Variants in GNG2 observed in about 807,000 individuals in gnomAD.
GNG2 encodes the protein G protein subunit gamma 2.
GNG2 carries 5 observed loss-of-function variants against 5.5 expected under a neutral mutation model. That is an observed-to-expected ratio of 0.91 (90% CI 0.48 to 1.92). GNG2 has a LOEUF of 1.92. GNG2 is among the 30% of genes most tolerant of loss of function. GNG2 has a pLI of 0.01. For missense variants in GNG2, 55 were observed against 88.4 expected, an observed-to-expected ratio of 0.62 and a Z score of 1.52; for synonymous variants, 28 against 32.0, an observed-to-expected ratio of 0.88 and a Z score of 0.42.
chr14:51,845,886 G>C (rs1881610855), intron 2 of GNG2, among the ~76,000 whole-genome samples: 1 of 152,182 alleles, frequency 6.6e-6, no homozygotes, highest in Non-Finnish European at 1.5e-5. Flanking sequence ...AGAAATGGTA[G>C]TTACAGGGCT....
intron 1 of GNG2, among the ~76,000 whole-genome samples, chr14:51,875,291 G>A (rs192759068): frequency 1.4e-3 from 216 of 152,258 alleles, no homozygotes; most frequent in Non-Finnish European, 2.7e-3. Context: ...TGCTATAACC[G>A]GCAGGATGGA....
At chr14:51,928,067 G>A (rs8004034) in intron 2 of GNG2, among the ~76,000 whole-genome samples, 93 of 125,472 alleles carry the variant, frequency 7.4e-4, no homozygotes, top group Admixed American at 4.9e-3. Context: ...GTCTCGCTCC[G>A]TCATCCAGGC....
chr14:51,901,700 G>A (rs1219427439), intron 2 of GNG2, among the ~76,000 whole-genome samples: 1 of 151,470 alleles, frequency 6.6e-6, no homozygotes, highest in African/African-American at 2.4e-5. Flanking sequence ...AGGCAGTGGA[G>A]CAGGTGGCAT....
At chr14:51,880,135 C>T (rs1344105739) in intron 2 of GNG2, among the ~76,000 whole-genome samples, 1 of 152,172 alleles carries the variant, frequency 6.6e-6, no homozygotes, top group Admixed American at 6.5e-5. Context: ...GGTTGAAGTC[C>T]AATGGCTCCT....
chr14:51,886,180 T>A (rs1884448869), intron 2 of GNG2, among the ~76,000 whole-genome samples: 1 of 152,246 alleles, frequency 6.6e-6, no homozygotes, highest in African/African-American at 2.4e-5. Context: ...TTTATAAGCA[T>A]GAAGAAGCAT....
At chr14:51,901,503 T>A (rs776258969) in intron 2 of GNG2, among the ~76,000 whole-genome samples, 2 of 152,070 alleles carry the variant, frequency 1.3e-5, no homozygotes, top group Non-Finnish European at 2.9e-5. Context: ...TGAGAAAGTA[T>A]CTCTTTATTG....
At position 51,885,253 on chromosome 14, in the gene GNG2, A is replaced by G. The variant is rs572110078; in HGVS notation, c.-30+7596A>G. Among the ~76,000 whole-genome samples, 17 of 152,342 alleles carry G rather than the reference A, an allele frequency of 1.1e-4. 1 individual carries two copies. The South Asian group carries it at 3.5e-3, about 32-fold the overall frequency. On this transcript the variant is annotated intron_variant, in intron 2 of 3. Transcript: ENST00000556766. ...CTATATCTGAACTATGTAAATATCA[A>G]TTGAGATAATGAATAGGAATATACT...
chr14:51,861,068 T>C (rs1882443654), intron 1 of GNG2, among the ~76,000 whole-genome samples: 3 of 152,184 alleles, frequency 2.0e-5, no homozygotes, highest in Admixed American at 2.0e-4. Context: ...AAACCAGGGC[T>C]GAGTCGAAAT....
Position 51,951,722 on chromosome 14 carries a change from CCA to C in GNG2, c.87+958_87+959del, listed in dbSNP as rs1888986083. Among the ~76,000 whole-genome samples the C allele has an allele frequency of 7.2e-5, 11 of 152,314 alleles. No homozygotes were observed. The South Asian group carries it at 1.9e-3, about 26-fold the overall frequency. On this transcript the variant is annotated intron_variant, in intron 3 of 3. Coordinates refer to ENST00000556766, the MANE Select transcript of GNG2 (RefSeq NM_053064.5). ...GGGTCAATAAAATTTGGCTCATGGG[CCA>C]AAGCCAGCCCACTGCCTATGTTTAT...
chr14:51,851,236 C>T (rs987128166), intron 2 of GNG2, among the ~76,000 whole-genome samples: 6 of 152,060 alleles, frequency 3.9e-5, no homozygotes, highest in African/African-American at 1.2e-4. Context: ...TCCCTTGGAG[C>T]GGGGAGATAA....
At chr14:51,951,329 C>CT (rs1888964815) in intron 3 of GNG2, among the ~76,000 whole-genome samples, 1 of 152,182 alleles carries the variant, frequency 6.6e-6, no homozygotes, top group Non-Finnish European at 1.5e-5. Flanking sequence ...TTTCCTCTCC[C>CT]TCCCCAGACC....
At chr14:51,911,545 CTTT>C (rs200362776) in intron 2 of GNG2, among the ~76,000 whole-genome samples, 12 of 142,976 alleles carry the variant, frequency 8.4e-5, no homozygotes, top group Admixed American at 3.5e-4. Flanking sequence ...ATAATGATAG[CTTT>C]TTTTTTTTTT....
chr14:51,867,058 A>T (rs1566653039), intron 1 of GNG2, among the ~76,000 whole-genome samples: 1 of 152,236 alleles, frequency 6.6e-6, no homozygotes, highest in South Asian at 2.1e-4. Context: ...AAACATGCTT[A>T]GTTTTTCCAT....
At chr14:51,925,506 A>C (rs1887254998) in intron 2 of GNG2, among the ~76,000 whole-genome samples, 1 of 152,172 alleles carries the variant, frequency 6.6e-6, no homozygotes, top group African/African-American at 2.4e-5. Flanking sequence ...AATGTGCACA[A>C]ATTAGGAAGC....
At chr14:51,916,397 C>T in intron 2 of GNG2, 1 of 440,278 alleles carries the variant, frequency 2.3e-6, no homozygotes, top group African/African-American at 2.0e-5. Flanking sequence ...AAAACGTGCA[C>T]ATTGGCTTCC....
chr14:51,939,272 G>A (rs1663345905), intron 2 of GNG2, among the ~76,000 whole-genome samples: 1 of 152,156 alleles, frequency 6.6e-6, no homozygotes, highest in Non-Finnish European at 1.5e-5. Flanking sequence ...TCATTTTAAA[G>A]TTGCAACATG....
At chr14:51,893,862 C>G (rs926417301) in intron 2 of GNG2, among the ~76,000 whole-genome samples, 1 of 152,098 alleles carries the variant, frequency 6.6e-6, no homozygotes, top group Non-Finnish European at 1.5e-5. Flanking sequence ...TGAATTGGAA[C>G]ACTACTTTAG....
At chr14:51,857,085 C>T (rs952112122), upstream of GNG2, among the ~76,000 whole-genome samples, 10 of 152,232 alleles carry the variant, frequency 6.6e-5, no homozygotes, top group South Asian at 2.1e-4. Context: ...TTAATGGACC[C>T]AAATGCTAAT....
intron 1 of GNG2, among the ~76,000 whole-genome samples, chr14:51,872,043 G>A (rs1462520043): frequency 6.6e-6 from 1 of 152,186 alleles, no homozygotes; most frequent in Non-Finnish European, 1.5e-5. Flanking sequence ...GTGGTTGAAG[G>A]ATAGAAGTGT....
Sources: gnomAD v4.1 joint callset for allele counts (sites outside exome capture counted in the v4.1 genomes callset) on GRCh38, gnomAD v4.1.1 for gene constraint, MANE v1.5 for transcripts, NCBI Gene and HGNC (gene_info 2026-07-23, HGNC 2026-07-21) for gene names.